FAAP20: variants seen among roughly 807,000 people sequenced by gnomAD.
The protein encoded by FAAP20 is FA core complex associated protein 20, also known as Fanconi anemia core complex-associated protein 20.
FAAP20 carries 12 observed loss-of-function variants against 16.2 expected under a neutral mutation model. That is an observed-to-expected ratio of 0.74 (90% CI 0.48 to 1.20). The LOEUF is 1.20. FAAP20 is among the 50% of genes most tolerant of loss of function. FAAP20 has a pLI of 0.00. For synonymous variants in FAAP20, 141 were observed against 110.7 expected, an observed-to-expected ratio of 1.27 and a Z score of -1.72; for missense variants, 288 against 245.8, an observed-to-expected ratio of 1.17 and a Z score of -1.15.
chr1:2,193,224 C>T (rs1470230653), intron 3 of FAAP20: 6 of 311,382 alleles, frequency 1.9e-5, no homozygotes, highest in South Asian at 1.3e-4. Context: ...TAAAAATATA[C>T]GTTGGGTTTC....
chr1:2,207,913 T>TGTGC (rs1222925075), downstream of FAAP20, among the ~76,000 whole-genome samples: 1 of 22,204 alleles, frequency 4.5e-5, no homozygotes, highest in Non-Finnish European at 9.4e-5. Flanking sequence ...AACACCCGTG[T>TGTGC]GTGTGTGTGT....
downstream of FAAP20, chr1:2,187,288 T>C (rs1259168566): frequency 2.4e-6 from 1 of 410,938 alleles, no homozygotes; most frequent in East Asian, 7.4e-5. Context: ...CCATTTTCTT[T>C]TTTTTTTTCT....
chr1:2,198,476 G>A (rs894596606), upstream of FAAP20: 32 of 415,678 alleles, frequency 7.7e-5, no homozygotes, highest in African/African-American at 4.6e-4. Flanking sequence ...CTTCCACCGC[G>A]GAAGAACAAG....
downstream of FAAP20, among the ~76,000 whole-genome samples, chr1:2,185,740 G>C (rs1326703158): frequency 6.6e-6 from 1 of 152,176 alleles, no homozygotes; most frequent in Non-Finnish European, 1.5e-5. Context: ...AGAAAAAACT[G>C]AACACTAAAT....
Position 2,194,112 on chromosome 1 carries a change from C to T in FAAP20, c.84G>A (p.Trp28Ter). 6.2e-7 allele frequency: 1 copy of T among 1,612,222 alleles called. No homozygotes were observed. The highest frequency in any genetic ancestry group is 8.5e-7 in the Non-Finnish European group (1 of 1,179,794). Residue 28 changes from tryptophan (W) to a stop codon, truncating the protein, a stop_gained, in exon 2 of 4, where the codon TGG becomes TGA. Transcript: ENST00000378546. LOFTEE classifies it high-confidence loss of function. ...PAGGPSGGRPWFLLGGDERER... is the reference protein window; with the variant it reads ...PAGGPSGGRP ...CCCGCTCATCACCCCCCAGGAGAAA[C>T]CAGGGGCGGCCGCCAGAAGGCCTGG... is the stretch of plus-strand genomic sequence containing the variant.
At chr1:2,192,777 G>A in intron 3 of FAAP20, 1 of 1,105,558 alleles carries the variant, frequency 9.0e-7, no homozygotes, top group Non-Finnish European at 1.2e-6. Flanking sequence ...CCACGCCCAG[G>A]CATGTAAAGA....
At chr1:2,199,755 G>T, upstream of FAAP20, 1 of 554,270 alleles carries the variant, frequency 1.8e-6, no homozygotes, top group Non-Finnish European at 2.3e-6. The surrounding 1 kb of genome is among the most constrained non-coding windows in gnomAD (Gnocchi z 4.5). Context: ...GGTTGGCCCT[G>T]AATGCAGTGT....
At chr1:2,190,948 G>A (rs1453049975) in intron 3 of FAAP20, 1 of 158,432 alleles carries the variant, frequency 6.3e-6, no homozygotes, top group African/African-American at 2.4e-5. Context: ...CAACCCTCAA[G>A]TCCCCCTCTC....
chr1:2,207,892 G>T (rs1689319389), downstream of FAAP20, among the ~76,000 whole-genome samples: 1 of 151,012 alleles, frequency 6.6e-6, no homozygotes, highest in Non-Finnish European at 1.5e-5. Flanking sequence ...TTCAGGCGGG[G>T]CCGTTTTGGT....
Position 2,194,674 on chromosome 1 carries a change from G to C in FAAP20, c.62+14C>G. The C allele has an allele frequency of 8.7e-7, 1 of 1,143,172 alleles. No individual in the cohort carries two copies. The highest frequency in any genetic ancestry group is 1.1e-6 in the Non-Finnish European group (1 of 931,510). 70.8% of individuals were successfully genotyped at this position (1,143,172 alleles called of 1,614,324 possible). A position where few individuals can be genotyped will look rare whatever the true frequency, so the allele number is the denominator to read the frequency against. On this transcript the variant is annotated intron_variant, in intron 1 of 3. Transcript: ENST00000378546. Reference sequence around the variant, plus strand: ...GGAAAACCGGCCGCGCCCCCGCCCGGCTCCCGGCCTCACCCGCCCGCCGGG... The same window carrying C: ...GGAAAACCGGCCGCGCCCCCGCCCGCCTCCCGGCCTCACCCGCCCGCCGGG...
rs760280006 is a variant in FAAP20, at chr1:2,193,685, C to G, written c.424G>C (p.Ala142Pro). Residue 142 changes from alanine (A) to proline (P), a missense_variant, in exon 3 of 4, where the codon GCG becomes CCG. Coordinates refer to ENST00000378546, the MANE Select transcript of FAAP20 (RefSeq NM_182533.4). ...VEQQPSVEGA[A>P]ALRSCPMCQK... ...CACATGGGGCAGCTGCGCAGGGCCG[C>G]GGCACCCTCCACAGACGGCTGCTGC... 1 of 1,599,350 alleles carries G rather than the reference C, an allele frequency of 6.3e-7. No homozygotes were observed. The highest frequency in any genetic ancestry group is 8.5e-7 in the Non-Finnish European group (1 of 1,175,698).
chr1:2,198,189 G>C (rs1358673925), upstream of FAAP20: 2 of 1,260,562 alleles, frequency 1.6e-6, no homozygotes, highest in Admixed American at 5.0e-5. Flanking sequence ...GTGCACAGTG[G>C]AAATGAGTTT....
chr1:2,204,852 T>C (rs1255741780), upstream of FAAP20, among the ~76,000 whole-genome samples: 1 of 151,318 alleles, frequency 6.6e-6, no homozygotes, highest in South Asian at 2.1e-4. Context: ...CTGGTTCCTC[T>C]GCCGGACCCT....
rs555916258 is a variant in FAAP20 at position 2,194,144 on chromosome 1, CAGAG to C, written c.63-15_63-12del. 33 of 1,611,198 alleles carry C rather than the reference CAGAG, an allele frequency of 2.0e-5. No individual in the cohort carries two copies. The South Asian group carries it at 3.0e-4, about 14-fold the overall frequency. ...CGGCCGCCAGAAGGCCTGGGGCAGA[CAGAG>C]AGGGCAGACAGGGGGTACTCAGTAG... On this transcript the variant is annotated splice_polypyrimidine_tract_variant and intron_variant, in intron 1 of 3. Transcript: ENST00000378546.
At chr1:2,206,775 G>C (rs1222088019) in intron 1 of FAAP20, 1 of 151,494 alleles carries the variant, frequency 6.6e-6, no homozygotes, top group Admixed American at 6.6e-5. Flanking sequence ...GGAGCTTGCA[G>C]TGAGCTGAGA....
upstream of FAAP20, chr1:2,194,821 C>T (rs1315783324): frequency 3.7e-6 from 4 of 1,083,048 alleles, no homozygotes; most frequent in African/African-American, 3.4e-5. Flanking sequence ...CCGCCCCGGC[C>T]CCGCCTCCAG....
downstream of FAAP20, among the ~76,000 whole-genome samples, chr1:2,211,944 C>G (rs547303436): frequency 5.9e-4 from 84 of 142,112 alleles, no homozygotes; most frequent in Non-Finnish European, 4.5e-5. Context: ...GCTTTGTCGC[C>G]CAGGCTGGAG....
At chr1:2,188,392 G>A (rs900541183), downstream of FAAP20, among the ~76,000 whole-genome samples, 3 of 152,162 alleles carry the variant, frequency 2.0e-5, no homozygotes, top group Non-Finnish European at 2.9e-5. Context: ...TGGAGCCCCC[G>A]GAGAGTCTCA....
chr1:2,200,547 G>T, upstream of FAAP20: 3 of 843,786 alleles, frequency 3.6e-6, no homozygotes, highest in Non-Finnish European at 4.3e-6. Context: ...TTTAGGCGGA[G>T]CTCCACCCTC....
Sources: allele counts gnomAD v4.1 joint callset (sites outside exome capture counted in the v4.1 genomes callset), GRCh38; gene constraint gnomAD v4.1.1; non-coding constraint Gnocchi (gnomAD v3.1); transcripts MANE v1.5; gene names NCBI Gene and HGNC (gene_info 2026-07-23, HGNC 2026-07-21).